BTBD8: variants seen among roughly 807,000 people sequenced by gnomAD.
The protein encoded by BTBD8 is BTB domain containing 8.
In BTBD8, 110 loss-of-function variants were observed where a neutral mutation model predicts 162.9. The observed-to-expected ratio is 0.68, with a 90% confidence interval of 0.58 to 0.79. The LOEUF is 0.79. Ranked by LOEUF, BTBD8 falls within the 30% of genes least tolerant of loss-of-function variation. The probability of loss-of-function intolerance (pLI) is 0.00; values close to 1 mark genes in which losing one functional copy is unlikely to be tolerated. For missense variants in BTBD8, 1,905 were observed against 2,085.4 expected, an observed-to-expected ratio of 0.91 and a Z score of 1.68; for synonymous variants, 667 against 716.1, an observed-to-expected ratio of 0.93 and a Z score of 1.10.
Position 92,147,271 on chromosome 1 carries a change from A to G in BTBD8, c.1019+3A>G, listed in dbSNP as rs1378596338. On this transcript the variant is annotated splice_donor_region_variant and intron_variant, in intron 8 of 17. Transcript: ENST00000636805. ...AGTCTTTTTGCTGACTGCATGAAGT[A>G]AGTTATGTTAAGTAGTGCTGATACT... 1 of 1,590,780 alleles carries G rather than the reference A, an allele frequency of 6.3e-7. No homozygotes were observed. The highest frequency in any genetic ancestry group is 8.6e-7 in the Non-Finnish European group (1 of 1,161,034).
intron 9 of BTBD8, among the ~76,000 whole-genome samples, chr1:92,163,018 A>G (rs926389684): frequency 6.6e-6 from 1 of 152,172 alleles, no homozygotes; most frequent in Non-Finnish European, 1.5e-5. Flanking sequence ...ATATATATAT[A>G]CACTGGTAAG....
chr1:92,160,868 A>G (rs749609789), intron 9 of BTBD8, among the ~76,000 whole-genome samples: 10 of 152,100 alleles, frequency 6.6e-5, no homozygotes, highest in Non-Finnish European at 1.3e-4. Context: ...ATCACCATTT[A>G]TGTTCTTTCC....
chr1:92,091,187 C>A (rs747203696), intron 2 of BTBD8, among the ~76,000 whole-genome samples: 1 of 152,116 alleles, frequency 6.6e-6, no homozygotes, highest in African/African-American at 2.4e-5. Context: ...ATAGTGAGTT[C>A]TCAGGAGATC....
At chr1:92,131,848 A>G (rs527695909) in intron 5 of BTBD8, among the ~76,000 whole-genome samples, 2 of 152,216 alleles carry the variant, frequency 1.3e-5, no homozygotes, top group Admixed American at 6.5e-5. Flanking sequence ...AGCTGGGACT[A>G]TAGATGTGTA....
chr1:92,087,152 A>C (rs963211535), intron 1 of BTBD8, among the ~76,000 whole-genome samples: 2 of 152,230 alleles, frequency 1.3e-5, no homozygotes, highest in Non-Finnish European at 2.9e-5. Flanking sequence ...CTATCAAATA[A>C]AAAACACTGT....
intron 4 of BTBD8, chr1:92,125,729 G>A: frequency 2.3e-6 from 1 of 439,920 alleles, no homozygotes; most frequent in South Asian, 1.9e-5. Context: ...AAAAGAATGT[G>A]CTGATTTCAC....
chr1:92,139,008 A>T (rs1203817054), intron 5 of BTBD8, among the ~76,000 whole-genome samples: 1 of 152,216 alleles, frequency 6.6e-6, no homozygotes, highest in Non-Finnish European at 1.5e-5. Flanking sequence ...GCAAGACCAG[A>T]GGGCGTTTGT....
chr1:92,101,959 A>T (rs1266118753), intron 2 of BTBD8, among the ~76,000 whole-genome samples: 1 of 152,064 alleles, frequency 6.6e-6, no homozygotes, highest in Admixed American at 6.6e-5. Context: ...TGACCTCCCA[A>T]AATGTTAGGA....
Position 92,177,466 on chromosome 1 carries a change from C to A in BTBD8, c.2273C>A (p.Ser758Tyr). The change falls in exon 14 of 18, where the codon TCT (serine) becomes TAT (tyrosine). Residue 758 changes from serine to tyrosine, a missense_variant. Ser to Tyr is a moderately radical substitution (Grantham distance 144). Coordinates refer to ENST00000636805, the MANE Select transcript of BTBD8 (RefSeq NM_001376131.1). ...GGATCAACAGAAGAAGAAAAGCCTTCTGGACATAAACTATCCTTTTGTGAT... is the reference window on the plus strand; with the variant it reads ...GGATCAACAGAAGAAGAAAAGCCTTATGGACATAAACTATCCTTTTGTGAT... ...ENGSTEEEKP[S>Y]GHKLSFCDSP... The A allele has an allele frequency of 1.9e-6, 3 of 1,551,590 alleles. No homozygotes were observed. The highest frequency in any genetic ancestry group is 1.7e-6 in the Non-Finnish European group (2 of 1,147,002).
intron 2 of BTBD8, among the ~76,000 whole-genome samples, chr1:92,092,261 A>G (rs957062549): frequency 4.6e-5 from 7 of 151,934 alleles, no homozygotes; most frequent in African/African-American, 1.7e-4. Context: ...AATTAGCTGG[A>G]TGTGGTGGTG....
chr1:92,160,592 T>C (rs1241763960), intron 9 of BTBD8, among the ~76,000 whole-genome samples: 1 of 152,028 alleles, frequency 6.6e-6, no homozygotes, highest in Admixed American at 6.6e-5. Flanking sequence ...TAGAGTATCC[T>C]GGGTCCTATC....
At chr1:92,169,146 G>A (rs1362339013) in intron 12 of BTBD8, among the ~76,000 whole-genome samples, 151 bp downstream of exon 12, 1 of 152,150 alleles carries the variant, frequency 6.6e-6, no homozygotes, top group Non-Finnish European at 1.5e-5. Flanking sequence ...TGTTTAGGCA[G>A]TTTTAATAAA....
At chr1:92,092,081 G>A (rs964263604) in intron 2 of BTBD8, among the ~76,000 whole-genome samples, 7 of 152,044 alleles carry the variant, frequency 4.6e-5, no homozygotes, top group Admixed American at 2.0e-4. Flanking sequence ...ATGAGGGTGG[G>A]GTCTTCATAA....
chr1:92,168,470 GT>G (rs779066838), intron 11 of BTBD8, among the ~76,000 whole-genome samples: 1 of 151,940 alleles, frequency 6.6e-6, no homozygotes, highest in Non-Finnish European at 1.5e-5. Context: ...CAATTAATCA[GT>G]GGCCATTAAT....
chr1:92,103,649 C>G (rs1426666586), intron 3 of BTBD8, among the ~76,000 whole-genome samples: 1 of 152,142 alleles, frequency 6.6e-6, no homozygotes, highest in African/African-American at 2.4e-5. Flanking sequence ...GGCAGATCTT[C>G]CCATTCTCCT....
At chr1:92,111,808 G>A (rs1465036005) in intron 4 of BTBD8, among the ~76,000 whole-genome samples, 1 of 152,168 alleles carries the variant, frequency 6.6e-6, no homozygotes, top group Non-Finnish European at 1.5e-5. Context: ...TGGCACATAT[G>A]TTGCCTGTTC....
intron 4 of BTBD8, chr1:92,125,500 C>T: frequency 3.2e-6 from 1 of 314,796 alleles, no homozygotes; most frequent in Non-Finnish European, 6.2e-6. Context: ...AACAAATTCA[C>T]AATCTGCAGG....
chr1:92,086,226 G>T (rs886080314), intron 1 of BTBD8, among the ~76,000 whole-genome samples: 7 of 152,090 alleles, frequency 4.6e-5, no homozygotes, highest in Non-Finnish European at 1.0e-4. Flanking sequence ...AGCCACTAGG[G>T]GTTTAATGCC....
Position 92,182,037 on chromosome 1 carries a change from G to A in BTBD8, c.4354G>A (p.Glu1452Lys). Residue 1452 changes from glutamate to lysine, a missense_variant, in exon 17 of 18, where the codon GAA becomes AAA. Glu to Lys is a moderately conservative substitution (Grantham distance 56, BLOSUM62 1). This residue lies in a region of BTBD8 where 517 missense variants were observed against 606.6 expected (regional missense o/e 0.85). Coordinates refer to ENST00000636805, the MANE Select transcript of BTBD8 (RefSeq NM_001376131.1). ...TGAATGTGAAGAGCTGGGATCAGAT[G>A]AAGGAGAAGTCCATACTCCCTTTCA... ...VDECEELGSD[E>K]GEVHTPFQAS... 6.4e-7 allele frequency: 1 copy of A among 1,551,394 alleles called. No individual in the cohort carries two copies. The highest frequency in any genetic ancestry group is 8.7e-7 in the Non-Finnish European group (1 of 1,146,826).
Sources: gnomAD v4.1 joint callset for allele counts (sites outside exome capture counted in the v4.1 genomes callset) on GRCh38, gnomAD v4.1.1 for gene constraint, gnomAD v4.1.1 regional missense constraint, MANE v1.5 for transcripts, NCBI Gene and HGNC (gene_info 2026-07-23, HGNC 2026-07-21) for gene names.